THSD7A: variants seen among roughly 807,000 people sequenced by gnomAD.
The protein encoded by THSD7A is thrombospondin type-1 domain-containing protein 7A.
In THSD7A, 96 loss-of-function variants were observed where a neutral mutation model predicts 231.3. That is an observed-to-expected ratio of 0.41 (90% confidence interval 0.35 to 0.49). The LOEUF is 0.49. Among genes scored for constraint, THSD7A ranks in the 20% least tolerant of loss-of-function variants. The probability of loss-of-function intolerance (pLI) is 0.05; values close to 1 mark genes in which losing one functional copy is unlikely to be tolerated. For synonymous variants in THSD7A, 940 were observed against 743.3 expected (o/e 1.26, Z -4.30); for missense variants, 2,290 against 2,070.2 (o/e 1.11, Z -2.06).
chr7:11,572,268 T>G (rs1036079603), intron 4 of THSD7A, among the ~76,000 whole-genome samples: 2 of 152,150 alleles, frequency 1.3e-5, no homozygotes, highest in African/African-American at 2.4e-5. Flanking sequence ...TTCTATTGAT[T>G]TGTCCTCAAG....
At chr7:11,770,158 T>A (rs1238770912) in intron 1 of THSD7A, among the ~76,000 whole-genome samples, 5 of 152,108 alleles carry the variant, frequency 3.3e-5, no homozygotes, top group Non-Finnish European at 1.5e-5. Context: ...AATAAAACTA[T>A]TTTGTTTTCA....
intron 23 of THSD7A, among the ~76,000 whole-genome samples, chr7:11,382,970 A>G (rs1782582357): frequency 6.6e-6 from 1 of 151,176 alleles, no homozygotes; most frequent in Non-Finnish European, 1.5e-5. Flanking sequence ...AACAAATATT[A>G]TTTATCCATA....
intron 1 of THSD7A, among the ~76,000 whole-genome samples, chr7:11,788,732 T>C (rs1045535452): frequency 1.3e-5 from 2 of 151,958 alleles, no homozygotes; most frequent in East Asian, 3.9e-4. Context: ...TACTACTCAC[T>C]TGGGTTTTTA....
In THSD7A at chr7:11,481,818, G is replaced by A. The variant is rs745415841; in HGVS notation, c.1987C>T (p.Arg663Ter). The A allele has an allele frequency of 6.8e-6, 11 of 1,613,464 alleles. No homozygotes were observed. Among genetic ancestry groups the A allele is most frequent in the Non-Finnish European group, 9.3e-6 (11 of 1,179,590 alleles). The change falls in exon 7 of 28, where the codon CGA becomes TGA. Residue 663 changes from arginine (R) to a stop codon, truncating the protein, a stop_gained. Transcript: ENST00000423059. LOFTEE classifies it high-confidence loss of function. ...KTTEGKQIRA[R>*]SILAYAGEEG... ...TCACCCGCATAGGCCAGAATGGATC[G>A]TGCTCGTATCTGTTTCCCTTCTGTC...
intron 9 of THSD7A, among the ~76,000 whole-genome samples, chr7:11,469,059 G>A (rs1241266967): frequency 6.6e-6 from 1 of 152,034 alleles, no homozygotes; most frequent in Non-Finnish European, 1.5e-5. Context: ...TGTTAAGCTA[G>A]AAGTTGACTC....
At chr7:11,630,953 T>C (rs1391723826) in intron 2 of THSD7A, among the ~76,000 whole-genome samples, 1 of 152,136 alleles carries the variant, frequency 6.6e-6, no homozygotes, top group African/African-American at 2.4e-5. Flanking sequence ...GGCTGCCTCC[T>C]CTCCCTACTC....
At chr7:11,600,476 G>A (rs1282004490) in intron 2 of THSD7A, among the ~76,000 whole-genome samples, 1 of 151,932 alleles carries the variant, frequency 6.6e-6, no homozygotes, top group Non-Finnish European at 1.5e-5. Flanking sequence ...TTAATTAAAG[G>A]GATGGTGGAT....
At chr7:11,459,458 T>A (rs1304088651) in intron 11 of THSD7A, among the ~76,000 whole-genome samples, 1 of 152,116 alleles carries the variant, frequency 6.6e-6, no homozygotes, top group African/African-American at 2.4e-5. Flanking sequence ...AGAACGACTT[T>A]CAGTTCTATA....
chr7:11,801,526 C>A (rs188740111), intron 1 of THSD7A, among the ~76,000 whole-genome samples: 3 of 152,194 alleles, frequency 2.0e-5, no homozygotes, highest in Admixed American at 2.0e-4. Flanking sequence ...CATATGAGTT[C>A]AAAAGTTCCA....
At chr7:11,647,812 A>C (rs1782339663) in intron 1 of THSD7A, among the ~76,000 whole-genome samples, 1 of 152,056 alleles carries the variant, frequency 6.6e-6, no homozygotes. Context: ...GTTGGTCCTT[A>C]GCAATTGTAG....
intron 1 of THSD7A, among the ~76,000 whole-genome samples, chr7:11,702,313 C>T (rs371370099): frequency 1.4e-4 from 21 of 151,178 alleles, no homozygotes; most frequent in African/African-American, 2.7e-4. Flanking sequence ...GAAAAATCCA[C>T]GACCAAGCTC....
intron 22 of THSD7A, among the ~76,000 whole-genome samples, chr7:11,404,663 G>T (rs1783522510): frequency 6.6e-6 from 1 of 152,210 alleles, no homozygotes; most frequent in Non-Finnish European, 1.5e-5. Flanking sequence ...GGAAGTGAAA[G>T]GGGAATTGCT....
chr7:11,596,836 C>T (rs901517365), intron 2 of THSD7A, among the ~76,000 whole-genome samples: 2 of 152,240 alleles, frequency 1.3e-5, no homozygotes, highest in Non-Finnish European at 2.9e-5. Flanking sequence ...TAACACATCT[C>T]CTGACACCTG....
At chr7:11,781,418 C>G (rs896468888) in intron 1 of THSD7A, among the ~76,000 whole-genome samples, 1 of 151,898 alleles carries the variant, frequency 6.6e-6, no homozygotes, top group Non-Finnish European at 1.5e-5. Context: ...TGTACTCTTG[C>G]CTGGGTGGCA....
At chr7:11,442,457 A>T (rs1784836405) in intron 13 of THSD7A, among the ~76,000 whole-genome samples, 1 of 152,072 alleles carries the variant, frequency 6.6e-6, no homozygotes. Context: ...GATTATTGTC[A>T]TTGCACTGCA....
intron 1 of THSD7A, among the ~76,000 whole-genome samples, chr7:11,761,342 C>T (rs1782849464): frequency 6.6e-6 from 1 of 152,024 alleles, no homozygotes; most frequent in African/African-American, 2.4e-5. Context: ...TGTCATCCAC[C>T]ACCAAAATTC....
rs1265653662 is a variant in THSD7A at position 11,590,336 on chromosome 7, C to T, written c.1453+124G>A. On this transcript the variant is annotated intron_variant, in intron 4 of 27. Transcript: ENST00000423059. This position sits in a 1 kb window ranked among gnomAD's most constrained non-coding sequence, Gnocchi z 4.4. The stretch of plus-strand genomic sequence containing the variant: ...GATTACTGTTTACCATAGTGAATAC[C>T]AACCACAATGTGAACAGAAATGCAG... 2 of 940,176 alleles carry T rather than the reference C, an allele frequency of 2.1e-6. No individual in the cohort carries two copies. The highest frequency in any genetic ancestry group is 2.3e-4 in the Middle Eastern group (1 of 4,400). 58.2% of individuals were successfully genotyped at this position (940,176 alleles called of 1,614,324 possible).
At chr7:11,812,267 A>G (rs1784552775) in intron 1 of THSD7A, among the ~76,000 whole-genome samples, 1 of 152,012 alleles carries the variant, frequency 6.6e-6, no homozygotes, top group Non-Finnish European at 1.5e-5. Flanking sequence ...CTCCTGCGTT[A>G]TTTACTTTCA....
intron 1 of THSD7A, among the ~76,000 whole-genome samples, chr7:11,662,558 T>C (rs1453674319): frequency 3.3e-5 from 5 of 151,350 alleles, no homozygotes; most frequent in East Asian, 1.9e-4. Context: ...AATAACATAA[T>C]TGGCATACAC....
Sources: gnomAD v4.1 joint callset for allele counts (sites outside exome capture counted in the v4.1 genomes callset) on GRCh38, gnomAD v4.1.1 for gene constraint, Gnocchi (gnomAD v3.1) non-coding constraint, MANE v1.5 for transcripts, NCBI Gene and HGNC (gene_info 2026-07-23, HGNC 2026-07-21) for gene names.